Variants in PRDM11 observed in about 807,000 individuals in gnomAD.
The protein encoded by PRDM11 is PR domain-containing protein 11.
In PRDM11, 20 loss-of-function variants were observed where a neutral mutation model predicts 97.8. The observed-to-expected ratio is 0.20, with a 90% CI of 0.14 to 0.30. PRDM11 has a LOEUF of 0.30. PRDM11 is among the 10% of genes least tolerant of loss of function. The pLI is 1.00. For missense variants in PRDM11, 1,139 were observed against 1,555.2 expected, an observed-to-expected ratio of 0.73 and a Z score of 4.50; for synonymous variants, 599 against 637.7, an observed-to-expected ratio of 0.94 and a Z score of 0.91.
At chr11:45,159,608 T>G (rs998029568) in intron 1 of PRDM11, among the ~76,000 whole-genome samples, 3 of 152,188 alleles carry the variant, frequency 2.0e-5, no homozygotes, top group African/African-American at 7.2e-5. Context: ...ATAGCTGTCT[T>G]GGAGGTAATG....
chr11:45,220,114 A>T (rs1239112444), intron 6 of PRDM11, among the ~76,000 whole-genome samples: 1 of 152,234 alleles, frequency 6.6e-6, no homozygotes, highest in Non-Finnish European at 1.5e-5. Context: ...TAATGATCGT[A>T]ATAATAGGTA....
intron 1 of PRDM11, among the ~76,000 whole-genome samples, chr11:45,124,628 T>C (rs891580562): frequency 1.8e-4 from 27 of 152,382 alleles, no homozygotes; most frequent in Admixed American, 5.9e-4. Context: ...TCTGTTTATA[T>C]GCTGGATTAC....
At chr11:45,136,913 C>A (rs569430684) in intron 1 of PRDM11, among the ~76,000 whole-genome samples, 1 of 148,242 alleles carries the variant, frequency 6.7e-6, no homozygotes, top group African/African-American at 2.5e-5. Flanking sequence ...GAGGCCGAGG[C>A]GGGTGGATCA....
At chr11:45,172,433 A>G (rs1399763845) in intron 1 of PRDM11, among the ~76,000 whole-genome samples, 1 of 152,154 alleles carries the variant, frequency 6.6e-6, no homozygotes, top group African/African-American at 2.4e-5. Context: ...GGGGGGTCCC[A>G]CCCTCAGTCA....
chr11:45,194,729 G>T (rs1853052152), intron 4 of PRDM11, among the ~76,000 whole-genome samples: 1 of 147,160 alleles, frequency 6.8e-6, no homozygotes, highest in African/African-American at 2.5e-5. Context: ...CTCCCAAGTA[G>T]CTGGGACTAC....
upstream of PRDM11, among the ~76,000 whole-genome samples, chr11:45,143,322 T>C (rs1851444753): frequency 6.6e-6 from 1 of 152,130 alleles, no homozygotes; most frequent in Non-Finnish European, 1.5e-5. Context: ...CTTGGTGTCA[T>C]TATTACTAGT....
At chr11:45,135,342 AT>A (rs942129597) in intron 1 of PRDM11, among the ~76,000 whole-genome samples, 6 of 152,210 alleles carry the variant, frequency 3.9e-5, no homozygotes, top group Non-Finnish European at 7.3e-5. Flanking sequence ...ATTCATAAAT[AT>A]TTTTTAAAAG....
intron 1 of PRDM11, among the ~76,000 whole-genome samples, chr11:45,170,992 A>C (rs1186078858): frequency 6.6e-6 from 1 of 152,182 alleles, no homozygotes; most frequent in Admixed American, 6.5e-5. Context: ...GTCTTTTGCT[A>C]TCCCAGACAG....
intron 1 of PRDM11, among the ~76,000 whole-genome samples, chr11:45,141,201 T>C (rs1851398013): frequency 6.6e-6 from 1 of 152,124 alleles, no homozygotes; most frequent in Non-Finnish European, 1.5e-5. Flanking sequence ...CTCCATAAAG[T>C]CTTGGTTTTA....
Position 45,232,256 on chromosome 11 carries a change from T to G in PRDM11, c.*4097T>G, listed in dbSNP as rs1854412183. The G allele has an allele frequency of 6.6e-6, 1 of 152,194 alleles. No homozygotes were observed. 9.4% of individuals were successfully genotyped at this position (152,194 alleles called of 1,614,324 possible). A position where few individuals can be genotyped will look rare whatever the true frequency, so the allele number is the denominator to read the frequency against. The stretch of plus-strand genomic sequence containing the variant: ...CCTGGCCCAGCCGGCACTGAGGGGC[T>G]GGTGCCATGTTACTTGATCACCTGG... On this transcript the variant is annotated 3_prime_UTR_variant, in exon 8 of 8. Transcript: ENST00000683152.
intron 1 of PRDM11, among the ~76,000 whole-genome samples, chr11:45,107,329 C>CG (rs1565224347): frequency 6.6e-6 from 1 of 152,192 alleles, no homozygotes; most frequent in Non-Finnish European, 1.5e-5. Flanking sequence ...ACCTGCAAAA[C>CG]GGGGCTAATT....
intron 6 of PRDM11, among the ~76,000 whole-genome samples, chr11:45,221,115 G>A (rs1449502257): frequency 6.6e-6 from 1 of 152,200 alleles, no homozygotes; most frequent in Non-Finnish European, 1.5e-5. Flanking sequence ...ATCTTTAAAA[G>A]CAAAACAGAG....
At chr11:45,125,751 T>C (rs2135636870) in intron 1 of PRDM11, among the ~76,000 whole-genome samples, 1 of 152,352 alleles carries the variant, frequency 6.6e-6, no homozygotes, top group South Asian at 2.1e-4. Flanking sequence ...AGGAGTGCTT[T>C]ACTTCCAACT....
At chr11:45,182,379 C>A (rs1301385996) in intron 3 of PRDM11, 30 bp downstream of exon 3, 2 of 1,579,466 alleles carry the variant, frequency 1.3e-6, no homozygotes, top group Admixed American at 1.7e-5. Flanking sequence ...CTGGGCTGCT[C>A]CTCCCTTCAC....
intron 6 of PRDM11, 35 bp from the exon 7 acceptor site, chr11:45,224,182 T>C (rs1240517678): frequency 4.6e-6 from 7 of 1,528,720 alleles, no homozygotes; most frequent in African/African-American, 1.4e-5. Context: ...TTGGGGGTTT[T>C]CCCCATTTCC....
intron 1 of PRDM11, among the ~76,000 whole-genome samples, chr11:45,096,164 A>G (rs1590333218): frequency 6.6e-6 from 1 of 152,346 alleles, no homozygotes; most frequent in South Asian, 2.1e-4. Flanking sequence ...GACTTCTGCC[A>G]GTAAAATGAA....
In PRDM11 at chr11:45,153,910, G is replaced by T. The variant is rs1458200028; in HGVS notation, c.-7+7033G>T. On this transcript the variant is annotated intron_variant, in intron 1 of 7. Transcript: ENST00000683152. The stretch of plus-strand genomic sequence containing the variant: ...CCACATATGGATGAGGAACCTTGGG[G>T]CTCAGAGAGGTTACATGACCAACTG... Among the ~76,000 whole-genome samples, 4 of 152,168 alleles carry T rather than the reference G, an allele frequency of 2.6e-5. No individual in the cohort carries two copies. The East Asian group carries it at 7.7e-4, about 29-fold the overall frequency.
upstream of PRDM11, chr11:45,095,760 A>G: frequency 1.4e-6 from 1 of 704,486 alleles, no homozygotes; most frequent in East Asian, 2.5e-5. Flanking sequence ...CGCAGATACG[A>G]TGGCTACAGC....
chr11:45,225,223 G>C (rs1854245356), intron 7 of PRDM11: 2 of 936,688 alleles, frequency 2.1e-6, no homozygotes, highest in Non-Finnish European at 2.7e-6. Flanking sequence ...AGATCTCTTG[G>C]CTTCCCTAAC....
Sources: allele counts gnomAD v4.1 joint callset (sites outside exome capture counted in the v4.1 genomes callset), GRCh38; gene constraint gnomAD v4.1.1; transcripts MANE v1.5; gene names NCBI Gene and HGNC (gene_info 2026-07-23, HGNC 2026-07-21).